The following ANKRD28 variants were observed in gnomAD, a reference collection of about 807,000 sequenced individuals.
The protein encoded by ANKRD28 is serine/threonine-protein phosphatase 6 regulatory ankyrin repeat subunit A.
A neutral mutation model predicts 126.5 loss-of-function variants in ANKRD28; 44 were observed. The ratio of observed to expected loss-of-function variants is 0.35; its 90% CI spans 0.27 to 0.45. The LOEUF is 0.45. Ranked by LOEUF, ANKRD28 falls within the 20% of genes least tolerant of loss-of-function variation. ANKRD28 has a pLI of 1.00. For synonymous variants in ANKRD28, 442 were observed against 468.5 expected (o/e 0.94, Z 0.73); for missense variants, 1,110 against 1,316.6 (o/e 0.84, Z 2.43).
intron 18 of ANKRD28, among the ~76,000 whole-genome samples, chr3:15,687,083 C>G (rs867817702): frequency 1.3e-5 from 2 of 151,942 alleles, no homozygotes; most frequent in East Asian, 3.9e-4. Context: ...GCTGGGATTA[C>G]AGGCGCCTGC....
rs117220350 is a variant in ANKRD28, at chr3:15,686,131, C to G, written c.2052-12G>C. The G allele has an allele frequency of 1.7e-3, 2,701 of 1,610,280 alleles. 24 individuals are homozygous for G. The East Asian group carries it at 0.023, about 14-fold the overall frequency. ...GCATCAGAGGCGTCCTGAGCAACAA[C>G]AGGAATAGGTTCAGTGCTGTCACTT... On this transcript the variant is annotated splice_polypyrimidine_tract_variant and intron_variant, in intron 19 of 27. Coordinates refer to ENST00000683139, the MANE Select transcript of ANKRD28 (RefSeq NM_001349278.2).
chr3:15,798,212 C>CGGCTTA (rs1553639513), upstream of ANKRD28: 1 of 971,988 alleles, frequency 1.0e-6, no homozygotes, highest in Non-Finnish European at 1.2e-6. Flanking sequence ...CAATTCCAAA[C>CGGCTTA]GGCTTAACTG....
chr3:15,813,777 T>C (rs979291218), intron 1 of ANKRD28, among the ~76,000 whole-genome samples: 4 of 152,206 alleles, frequency 2.6e-5, no homozygotes, highest in African/African-American at 7.2e-5. Flanking sequence ...ATAATTGAGG[T>C]TCCCCAGTGA....
At chr3:15,708,121 A>G in intron 13 of ANKRD28, 57 bp from the exon 14 acceptor site, 1 of 1,535,280 alleles carries the variant, frequency 6.5e-7, no homozygotes, top group Non-Finnish European at 8.8e-7. Flanking sequence ...ACTAGTAAAC[A>G]AAAGCATAGT....
chr3:15,684,326 C>T (rs2067867595), intron 21 of ANKRD28: 1 of 152,170 alleles, frequency 6.6e-6, no homozygotes, highest in African/African-American at 2.4e-5. Flanking sequence ...CCTATAAAAG[C>T]GATGACTGTG....
intron 4 of ANKRD28, among the ~76,000 whole-genome samples, chr3:15,744,757 A>G (rs1007884269): frequency 1.3e-5 from 2 of 152,010 alleles, no homozygotes; most frequent in Non-Finnish European, 2.9e-5. Context: ...CTCTGGATTG[A>G]TATCTAAGTG....
At chr3:15,824,166 ATGTTT>A (rs1242517510) in intron 1 of ANKRD28, among the ~76,000 whole-genome samples, 1 of 152,168 alleles carries the variant, frequency 6.6e-6, no homozygotes, top group Non-Finnish European at 1.5e-5. Context: ...ATCCTAAAGA[ATGTTT>A]TGTTTTGTTT....
intron 14 of ANKRD28, among the ~76,000 whole-genome samples, chr3:15,700,963 C>A (rs1280215906): frequency 6.6e-6 from 1 of 152,122 alleles, no homozygotes; most frequent in Non-Finnish European, 1.5e-5. Flanking sequence ...AATTCCAAGT[C>A]TATAATTATT....
chr3:15,757,009 C>G (rs2058197237), intron 3 of ANKRD28, among the ~76,000 whole-genome samples: 1 of 152,170 alleles, frequency 6.6e-6, no homozygotes, highest in African/African-American at 2.4e-5. Flanking sequence ...ATCTCTGCAA[C>G]CCCAGACAGC....
chr3:15,745,674 C>G (rs1271339493), intron 4 of ANKRD28, among the ~76,000 whole-genome samples: 1 of 152,006 alleles, frequency 6.6e-6, no homozygotes, highest in East Asian at 1.9e-4. Flanking sequence ...TTTGCTTAGT[C>G]TTGCTTTGGC....
intron 8 of ANKRD28, among the ~76,000 whole-genome samples, chr3:15,716,923 C>T (rs2073144054): frequency 6.6e-6 from 1 of 152,268 alleles, no homozygotes; most frequent in Non-Finnish European, 1.5e-5. Context: ...GATGGTGCCA[C>T]TGCACTCTGG....
chr3:15,736,485 A>C (rs1447313510), intron 5 of ANKRD28, among the ~76,000 whole-genome samples: 1 of 152,186 alleles, frequency 6.6e-6, no homozygotes, highest in African/African-American at 2.4e-5. Flanking sequence ...AACAAAAATG[A>C]AAGACTAGAC....
At chr3:15,699,992 C>G (rs2070316923) in intron 14 of ANKRD28, among the ~76,000 whole-genome samples, 1 of 152,180 alleles carries the variant, frequency 6.6e-6, no homozygotes, top group South Asian at 2.1e-4. Context: ...ACCCAAATGT[C>G]CATCAATGAT....
intron 2 of ANKRD28, among the ~76,000 whole-genome samples, chr3:15,776,281 T>C (rs2059262541): frequency 6.6e-6 from 1 of 152,174 alleles, no homozygotes; most frequent in Non-Finnish European, 1.5e-5. Flanking sequence ...GCCAAGTATT[T>C]ATACTATAGA....
intron 1 of ANKRD28, among the ~76,000 whole-genome samples, chr3:15,857,219 T>C (rs997720535): frequency 6.6e-6 from 1 of 152,236 alleles, no homozygotes; most frequent in African/African-American, 2.4e-5. Context: ...GATGAGCCAA[T>C]TACTCAGTAG....
chr3:15,760,362 T>C (rs2058390096), intron 3 of ANKRD28, among the ~76,000 whole-genome samples: 1 of 152,214 alleles, frequency 6.6e-6, no homozygotes, highest in African/African-American at 2.4e-5. Context: ...AGTTTACCTA[T>C]ATAACACACC....
chr3:15,711,336 C>A (rs2072247797), intron 11 of ANKRD28, 62 bp from the exon 12 acceptor site: 15 of 1,367,400 alleles, frequency 1.1e-5, no homozygotes, highest in South Asian at 1.2e-5. Flanking sequence ...AGAATTGTGT[C>A]ATGAAACATC....
chr3:15,766,134 GAAC>G (rs765040223), intron 3 of ANKRD28, 97 bp downstream of exon 3: 9 of 841,406 alleles, frequency 1.1e-5, no homozygotes, highest in Non-Finnish European at 1.5e-5. Context: ...AAACAAATAT[GAAC>G]AACAGGCCAT....
chr3:15,802,142 G>T (rs771152189), upstream of ANKRD28, among the ~76,000 whole-genome samples: 30 of 152,140 alleles, frequency 2.0e-4, no homozygotes, highest in Non-Finnish European at 4.0e-4. Context: ...GGAGCCACAT[G>T]AAAAAGTTTG....
Sources: allele counts gnomAD v4.1 joint callset (sites outside exome capture counted in the v4.1 genomes callset), GRCh38; gene constraint gnomAD v4.1.1; transcripts MANE v1.5; gene names NCBI Gene and HGNC (gene_info 2026-07-23, HGNC 2026-07-21).